The following IL1RAPL1 variants were observed in gnomAD, a reference collection of about 807,000 sequenced individuals.
IL1RAPL1 encodes the protein interleukin-1 receptor accessory protein-like 1.
In IL1RAPL1, 3 loss-of-function variants were observed where a neutral mutation model predicts 48.4. The observed-to-expected ratio is 0.06, with a 90% CI of 0.03 to 0.16. The LOEUF is 0.16. IL1RAPL1 is among the 10% of genes least tolerant of loss of function. The pLI is 1.00. For missense variants in IL1RAPL1, 349 were observed against 530.6 expected, an observed-to-expected ratio of 0.66 and a Z score of 3.36; for synonymous variants, 185 against 187.7, an observed-to-expected ratio of 0.99 and a Z score of 0.12.
chrX:29,622,329 C>T (rs748835535), intron 5 of IL1RAPL1, among the ~76,000 whole-genome samples: 2 of 112,265 alleles, frequency 1.8e-5, no homozygotes, highest in South Asian at 3.7e-4. Context: ...TTTTGTCTGA[C>T]TTTAAGTTGT....
At chrX:29,478,180 C>A (rs190667662) in intron 5 of IL1RAPL1, among the ~76,000 whole-genome samples, 40 of 111,825 alleles carry the variant, frequency 3.6e-4, no homozygotes, top group Admixed American at 8.5e-4. Context: ...TTTAACACAC[C>A]CAGAATTGAG....
intron 1 of IL1RAPL1, among the ~76,000 whole-genome samples, chrX:28,687,247 G>A (rs866840898): frequency 2.7e-5 from 3 of 110,748 alleles, no homozygotes; most frequent in Admixed American, 9.6e-5. Flanking sequence ...CCTGTTCAGC[G>A]TATATTTAGG....
At chrX:29,156,321 A>G (rs1256855085) in intron 2 of IL1RAPL1, among the ~76,000 whole-genome samples, 1 of 112,111 alleles carries the variant, frequency 8.9e-6, no homozygotes, top group East Asian at 2.8e-4. Flanking sequence ...TGGAAGGAGA[A>G]GATGGTAACT....
chrX:29,143,960 TG>T (rs1208203374), intron 2 of IL1RAPL1, among the ~76,000 whole-genome samples: 2 of 111,789 alleles, frequency 1.8e-5, no homozygotes, highest in African/African-American at 6.5e-5. Flanking sequence ...CTCTTGAGTA[TG>T]AATATCAGGA....
At chrX:29,185,723 T>C (rs184424595) in intron 2 of IL1RAPL1, among the ~76,000 whole-genome samples, 188 of 111,641 alleles carry the variant, frequency 1.7e-3, no homozygotes, top group South Asian at 3.0e-3. Context: ...ATATGATAAA[T>C]CTACAACTAA....
At chrX:28,794,320 G>A (rs984542089) in intron 2 of IL1RAPL1, among the ~76,000 whole-genome samples, 6 of 111,241 alleles carry the variant, frequency 5.4e-5, no homozygotes, top group Non-Finnish European at 9.4e-5. Context: ...ATTCTACTAC[G>A]TTTAGTGCCG....
chrX:28,752,014 A>C (rs972245890), intron 1 of IL1RAPL1, among the ~76,000 whole-genome samples: 87 of 112,070 alleles, frequency 7.8e-4, no homozygotes, highest in African/African-American at 2.7e-3. Context: ...ATTATGAAAA[A>C]TTGCATTGCT....
intron 2 of IL1RAPL1, among the ~76,000 whole-genome samples, chrX:28,907,264 G>T (rs1044158722): frequency 3.6e-5 from 4 of 110,928 alleles, no homozygotes; most frequent in African/African-American, 1.3e-4. Context: ...ATTTTTATTA[G>T]TATTTTTTGA....
intron 1 of IL1RAPL1, among the ~76,000 whole-genome samples, chrX:28,759,572 CAAAT>C (rs1242357203): frequency 1.8e-5 from 2 of 111,336 alleles, no homozygotes; most frequent in East Asian, 5.6e-4. Context: ...TGCAAAGAGA[CAAAT>C]AAAGGGAAGG....
intron 2 of IL1RAPL1, among the ~76,000 whole-genome samples, chrX:29,104,834 C>CTTTCAT (rs1201285275): frequency 9.0e-6 from 1 of 111,712 alleles, no homozygotes; most frequent in Non-Finnish European, 1.9e-5. Context: ...ATTAAGGTTT[C>CTTTCAT]TTTCATTTTT....
chrX:28,691,928 T>C (rs1326748593), intron 1 of IL1RAPL1, among the ~76,000 whole-genome samples: 1 of 111,218 alleles, frequency 9.0e-6, no homozygotes, highest in Non-Finnish European at 1.9e-5. Flanking sequence ...GGCTCATGAT[T>C]CTGCAGGCTG....
intron 6 of IL1RAPL1, among the ~76,000 whole-genome samples, chrX:29,836,950 C>G (rs369363408): frequency 1.8e-5 from 2 of 109,585 alleles, no homozygotes; most frequent in South Asian, 3.9e-4. Flanking sequence ...ATCATGCTGC[C>G]CTGTACATAA....
intron 1 of IL1RAPL1, among the ~76,000 whole-genome samples, chrX:28,745,114 A>G (rs1935958081): frequency 1.8e-5 from 2 of 111,524 alleles, no homozygotes; most frequent in African/African-American, 3.3e-5. Flanking sequence ...AGTGATTTCA[A>G]TTAAGATGGA....
chrX:28,967,518 T>G (rs1005223936), intron 2 of IL1RAPL1, among the ~76,000 whole-genome samples: 13 of 111,701 alleles, frequency 1.2e-4, no homozygotes, highest in Admixed American at 4.8e-4. Context: ...TTTCTTCTTA[T>G]TCTTTAAATT....
intron 2 of IL1RAPL1, among the ~76,000 whole-genome samples, chrX:29,131,264 G>C (rs988341296): frequency 1.2e-5 from 1 of 84,994 alleles, no homozygotes; most frequent in African/African-American, 3.5e-5. Context: ...TTATATGCCT[G>C]TGTGTGTGTG....
intron 6 of IL1RAPL1, among the ~76,000 whole-genome samples, chrX:29,729,858 C>T (rs1391061499): frequency 6.3e-5 from 7 of 111,403 alleles, no homozygotes; most frequent in Admixed American, 1.9e-4. Flanking sequence ...TCTATCCAAA[C>T]GGAAAGTGGA....
At chrX:29,323,493 G>T (rs1932817340) in intron 3 of IL1RAPL1, among the ~76,000 whole-genome samples, 1 of 102,346 alleles carries the variant, frequency 9.8e-6, no homozygotes, top group Non-Finnish European at 2.0e-5. Flanking sequence ...TCTTTCCTTT[G>T]TGAACACTGT....
At chrX:28,639,681 A>G (rs753715533) in intron 1 of IL1RAPL1, among the ~76,000 whole-genome samples, 3 of 111,894 alleles carry the variant, frequency 2.7e-5, no homozygotes, top group Admixed American at 1.9e-4. Context: ...AAGCAGAATA[A>G]AAAAGGGAAG....
At chrX:29,334,695 T>C (rs1478153828) in intron 3 of IL1RAPL1, among the ~76,000 whole-genome samples, 1 of 103,927 alleles carries the variant, frequency 9.6e-6, no homozygotes, top group Non-Finnish European at 2.0e-5. Context: ...GGGGCAGAGG[T>C]GCTCCCCACA....
Sources: allele counts gnomAD v4.1 joint callset (sites outside exome capture counted in the v4.1 genomes callset), GRCh38; gene constraint gnomAD v4.1.1; transcripts MANE v1.5; gene names NCBI Gene and HGNC (gene_info 2026-07-23, HGNC 2026-07-21).